The following PCNX2 variants were observed in gnomAD, a reference collection of about 807,000 sequenced individuals.
The protein encoded by PCNX2 is pecanex-like protein 2.
In PCNX2, 168 loss-of-function variants were observed where a neutral mutation model predicts 223.8. That is an observed-to-expected ratio of 0.75 (90% CI 0.66 to 0.85). PCNX2 has a LOEUF of 0.85. PCNX2 is among the 40% of genes least tolerant of loss of function. The pLI, the probability that PCNX2 is intolerant of heterozygous loss-of-function variation, is 0.00. For missense variants in PCNX2, 2,507 were observed against 2,675.5 expected, an observed-to-expected ratio of 0.94 and a Z score of 1.39; for synonymous variants, 1,006 against 1,052.6, an observed-to-expected ratio of 0.96 and a Z score of 0.86.
At chr1:233,034,828 G>A (rs748095379) in intron 25 of PCNX2, among the ~76,000 whole-genome samples, 1 of 152,232 alleles carries the variant, frequency 6.6e-6, no homozygotes, top group Non-Finnish European at 1.5e-5. Flanking sequence ...AAGAGTGTGA[G>A]AGTGGAAGGG....
Position 233,252,780 on chromosome 1 carries a change from A to G in PCNX2, c.1843T>C (p.Ser615Pro). 4 of 1,607,296 alleles carry G rather than the reference A, an allele frequency of 2.5e-6. No homozygotes were observed. The South Asian group carries it at 4.5e-5, about 18-fold the overall frequency. ...EESGLLRDNC[S>P]QEKKEEILEN... is the part of the protein sequence containing the mutation. ...AGGATTTCCTCCTTTTTTTCCTGGGAACAGTTATCTGAAAAACATTGCTTT... is the reference window on the plus strand; with the variant it reads ...AGGATTTCCTCCTTTTTTTCCTGGGGACAGTTATCTGAAAAACATTGCTTT... The change falls in exon 6 of 34, where the codon TCC becomes CCC. Residue 615 changes from serine to proline, a missense_variant. Physicochemically the swap from Ser to Pro is moderately conservative, Grantham distance 74. This residue lies in a region of PCNX2 where 1,031 missense variants were observed against 1,021.7 expected (regional missense o/e 1.01). Transcript: ENST00000258229.
intron 21 of PCNX2, among the ~76,000 whole-genome samples, chr1:233,109,298 G>T (rs1674981768): frequency 1.3e-5 from 2 of 151,770 alleles, no homozygotes; most frequent in African/African-American, 4.8e-5. Flanking sequence ...AAAAGGGCAA[G>T]AAAAAAAATT....
At chr1:233,218,509 CA>C (rs1275545701) in intron 10 of PCNX2, among the ~76,000 whole-genome samples, 1 of 152,088 alleles carries the variant, frequency 6.6e-6, no homozygotes, top group Non-Finnish European at 1.5e-5. Flanking sequence ...CTTGGCCTCC[CA>C]AAGTGCTGGG....
intron 13 of PCNX2, among the ~76,000 whole-genome samples, chr1:233,201,025 CAAAAAAAAAAA>C (rs760282445): frequency 1.6e-4 from 4 of 25,680 alleles, no homozygotes; most frequent in Non-Finnish European, 2.2e-4. Context: ...GACTCCGTCT[CAAAAAAAAAAA>C]AAAAAAAAAA....
chr1:233,300,068 G>A (rs1662234696), upstream of PCNX2, among the ~76,000 whole-genome samples: 1 of 152,140 alleles, frequency 6.6e-6, no homozygotes, highest in Non-Finnish European at 1.5e-5. Flanking sequence ...TCTACACCTT[G>A]GCTGATGCTA....
At chr1:233,163,409 C>T (rs1571999036) in intron 17 of PCNX2, among the ~76,000 whole-genome samples, 1 of 151,792 alleles carries the variant, frequency 6.6e-6, no homozygotes, top group Non-Finnish European at 1.5e-5. Context: ...ATCGCAGAAC[C>T]CAGGAGGCTG....
chr1:233,068,546 T>C lies in PCNX2; in HGVS notation c.4077-11256A>G, dbSNP rs555328555. 3.3e-5 allele frequency among the ~76,000 whole-genome samples: 5 copies of C among 152,206 alleles called. No homozygotes were observed. The East Asian group carries it at 5.8e-4, about 18-fold the overall frequency. Reference sequence around the variant, plus strand: ...TTGTCAATATAGTTCTAAGTGTATATACAGAAAATATTCATGACATCATGG... The same window carrying C: ...TTGTCAATATAGTTCTAAGTGTATACACAGAAAATATTCATGACATCATGG... On this transcript the variant is annotated intron_variant, in intron 23 of 33. Transcript: ENST00000258229.
chr1:233,105,360 A>G (rs566550528), intron 21 of PCNX2, among the ~76,000 whole-genome samples: 64 of 152,334 alleles, frequency 4.2e-4, no homozygotes, highest in African/African-American at 1.5e-3. Flanking sequence ...ACCCATTCAT[A>G]AACATCCCTT....
chr1:233,079,038 G>C (rs997537050), intron 23 of PCNX2, among the ~76,000 whole-genome samples: 7 of 152,126 alleles, frequency 4.6e-5, no homozygotes, highest in African/African-American at 1.7e-4. Flanking sequence ...GGCAGAGAAG[G>C]GAAGTGGAAG....
intron 21 of PCNX2, among the ~76,000 whole-genome samples, chr1:233,110,826 A>T (rs925450013): frequency 6.7e-6 from 1 of 150,144 alleles, no homozygotes; most frequent in Non-Finnish European, 1.5e-5. Context: ...TAAATTTAAT[A>T]TATATTTAAA....
rs377165602 is a variant in PCNX2 at position 233,258,907 on chromosome 1, C to A, written c.955G>T (p.Val319Leu). The A allele has an allele frequency of 6.2e-7, 1 of 1,613,896 alleles. No homozygotes were observed. Among genetic ancestry groups the A allele is most frequent in the Non-Finnish European group, 8.5e-7 (1 of 1,179,890 alleles). Residue 319 changes from valine (V) to leucine (L), a missense_variant, in exon 5 of 34, where the codon GTG (valine) becomes TTG (leucine). Coordinates refer to ENST00000258229, the MANE Select transcript of PCNX2 (RefSeq NM_014801.4). ...SSSCPQCDTI[V>L]AKPVEEPADT... ...GCTGGCTCCTCCACAGGCTTGGCCA[C>A]GATGGTGTCACATTGAGGGCAGCTG...
In PCNX2 at chr1:233,139,568, TGAGTAAAA is replaced by T. The variant is rs1053435612; in HGVS notation, c.3659+138_3659+145del. On this transcript the variant is annotated intron_variant, in intron 20 of 33. Transcript: ENST00000258229. The surrounding 1 kb of genome is among the most constrained non-coding windows in gnomAD (Gnocchi z 4.4). Reference sequence around the variant, plus strand: ...ATAACTGTCTAGCTCCAGTGGGTTTTGAGTAAAAGACCACCATGGCTTATTTTTACATG... The same window carrying T: ...ATAACTGTCTAGCTCCAGTGGGTTTTGACCACCATGGCTTATTTTTACATG... The T allele has an allele frequency of 8.3e-6, 8 of 964,870 alleles. No individual in the cohort carries two copies. The highest frequency in any genetic ancestry group is 1.2e-5 in the Non-Finnish European group (8 of 661,914). The allele number at this position is 964,870 out of a possible 1,614,324, so 59.8% of individuals were successfully genotyped here.
intron 17 of PCNX2, 101 bp downstream of exon 17, chr1:233,177,701 A>T: frequency 1.0e-6 from 1 of 982,670 alleles, no homozygotes; most frequent in Non-Finnish European, 1.5e-6. Flanking sequence ...TTTCTGTCCT[A>T]GTCCTTCTCA....
chr1:233,161,236 G>C lies in PCNX2; in HGVS notation c.3366+35C>G, dbSNP rs757759143. The C allele has an allele frequency of 3.1e-5, 48 of 1,558,350 alleles. No homozygotes were observed. In the Middle Eastern group the frequency reaches 4.5e-3, roughly 147 times the overall value. ...CAGCTTTGTTATTAAGGAGAATAAG[G>C]GGGCAGGAAGAGTACAAAGTTGGTG... On this transcript the variant is annotated intron_variant, in intron 18 of 33. Coordinates refer to ENST00000258229, the MANE Select transcript of PCNX2 (RefSeq NM_014801.4).
rs1673800747 is a variant in PCNX2 at position 233,090,197 on chromosome 1, A to C, written c.3947-7T>G. ...AAGAAAAGCATGGCAGAATCTGAGA[A>C]TGTTGAGTTAAGGCAAAAAAAAAAA... is the stretch of plus-strand genomic sequence containing the variant. On this transcript the variant is annotated splice_polypyrimidine_tract_variant and splice_region_variant and intron_variant, in intron 22 of 33. Coordinates refer to ENST00000258229, the MANE Select transcript of PCNX2 (RefSeq NM_014801.4). 6.2e-7 allele frequency: 1 copy of C among 1,608,948 alleles called. No individual in the cohort carries two copies. Among genetic ancestry groups the C allele is most frequent in the African/African-American group, 1.3e-5 (1 of 74,162 alleles).
intron 8 of PCNX2, among the ~76,000 whole-genome samples, chr1:233,238,148 G>A (rs1313875369): frequency 1.3e-5 from 2 of 152,162 alleles, no homozygotes; most frequent in Non-Finnish European, 2.9e-5. Flanking sequence ...GGCCTCTTGT[G>A]TTCTGGCATA....
At chr1:233,110,442 T>G (rs1414609847) in intron 21 of PCNX2, among the ~76,000 whole-genome samples, 2 of 152,124 alleles carry the variant, frequency 1.3e-5, no homozygotes, top group Admixed American at 6.5e-5. Context: ...AAAATATCTT[T>G]CAAAAATATA....
rs148529524 is a variant in PCNX2 at position 232,997,383 on chromosome 1, G to A, written c.5791+868C>T. Among the ~76,000 whole-genome samples, 471 of 152,298 alleles carry A rather than the reference G, an allele frequency of 3.1e-3. 2 individuals carry two copies. Among genetic ancestry groups the A allele is most frequent in the African/African-American group, 8.9e-3 (370 of 41,570 alleles). On this transcript the variant is annotated intron_variant, in intron 32 of 33. Coordinates refer to ENST00000258229, the MANE Select transcript of PCNX2 (RefSeq NM_014801.4). ...GCCTTGCTCTGGGCACTCCCAGGAG[G>A]CAGGGACTGTAACTCCTGGCTCATT...
intron 21 of PCNX2, among the ~76,000 whole-genome samples, chr1:233,101,754 G>C (rs1392453468): frequency 6.6e-6 from 1 of 152,184 alleles, no homozygotes; most frequent in Non-Finnish European, 1.5e-5. Context: ...CAACCCAAAG[G>C]GAACACAGAC....
Sources: gnomAD v4.1 joint callset for allele counts (sites outside exome capture counted in the v4.1 genomes callset) on GRCh38, gnomAD v4.1.1 for gene constraint, gnomAD v4.1.1 regional missense constraint, Gnocchi (gnomAD v3.1) non-coding constraint, MANE v1.5 for transcripts, NCBI Gene and HGNC (gene_info 2026-07-23, HGNC 2026-07-21) for gene names.